Variants in ST6GALNAC3 observed in about 807,000 individuals in gnomAD.
ST6GALNAC3 encodes alpha-N-acetylgalactosaminide alpha-2,6-sialyltransferase 3.
A neutral mutation model predicts 32.7 loss-of-function variants in ST6GALNAC3; 25 were observed. The ratio of observed to expected loss-of-function variants is 0.76; its 90% CI spans 0.56 to 1.07. The LOEUF is 1.07. ST6GALNAC3 is among the 50% of genes least tolerant of loss of function. The pLI, the probability that ST6GALNAC3 is intolerant of heterozygous loss-of-function variation, is 0.00. For synonymous variants in ST6GALNAC3, 129 were observed against 133.1 expected (o/e 0.97, Z 0.21); for missense variants, 355 against 382.4 (o/e 0.93, Z 0.60).
chr1:76,506,444 G>C (rs1426650053), intron 3 of ST6GALNAC3, among the ~76,000 whole-genome samples: 1 of 152,088 alleles, frequency 6.6e-6, no homozygotes, highest in African/African-American at 2.4e-5. Context: ...TCTTTCCCTG[G>C]CTGTGTGCAT....
At chr1:76,334,297 T>C (rs555618089) in intron 2 of ST6GALNAC3, among the ~76,000 whole-genome samples, 1 of 152,376 alleles carries the variant, frequency 6.6e-6, no homozygotes, top group South Asian at 2.1e-4. Context: ...CTCAAGGTGA[T>C]ATGATTGTAT....
At chr1:76,425,876 C>G (rs1472444893) in intron 3 of ST6GALNAC3, among the ~76,000 whole-genome samples, 5 of 151,912 alleles carry the variant, frequency 3.3e-5, no homozygotes, top group Admixed American at 2.6e-4. Context: ...CTGTGTTGCC[C>G]ACAGCCCTGT....
chr1:76,267,132 C>A (rs1460012292), intron 1 of ST6GALNAC3, among the ~76,000 whole-genome samples: 1 of 152,194 alleles, frequency 6.6e-6, no homozygotes, highest in Non-Finnish European at 1.5e-5. Context: ...AGCCAATTTG[C>A]GCTCTCTTTC....
At chr1:76,170,161 A>G (rs1008117394) in intron 1 of ST6GALNAC3, among the ~76,000 whole-genome samples, 5 of 152,200 alleles carry the variant, frequency 3.3e-5, no homozygotes, top group Non-Finnish European at 5.9e-5. Context: ...GGGGACTTCT[A>G]TTGGGCCCCA....
chr1:76,515,014 G>A (rs1431198261), intron 3 of ST6GALNAC3, among the ~76,000 whole-genome samples: 2 of 152,168 alleles, frequency 1.3e-5, no homozygotes, highest in East Asian at 3.9e-4. Context: ...TGGAATCAGG[G>A]TAATGCTGCC....
At chr1:76,354,346 T>G (rs1649263689) in intron 2 of ST6GALNAC3, 1 of 152,252 alleles carries the variant, frequency 6.6e-6, no homozygotes, top group African/African-American at 2.4e-5. Flanking sequence ...TAGCTCCTTC[T>G]TTTCTGTTGT....
At chr1:76,301,826 CA>C (rs1557767318) in intron 1 of ST6GALNAC3, among the ~76,000 whole-genome samples, 1 of 147,542 alleles carries the variant, frequency 6.8e-6, no homozygotes, top group East Asian at 2.0e-4. Context: ...AAACCAAGTT[CA>C]AAAAAAGAAG....
chr1:76,407,858 CAT>C (rs1653943426), intron 2 of ST6GALNAC3, among the ~76,000 whole-genome samples: 1 of 151,916 alleles, frequency 6.6e-6, no homozygotes, highest in African/African-American at 2.4e-5. Flanking sequence ...TGAGTGAAGA[CAT>C]ATGGAATAAA....
intron 2 of ST6GALNAC3, among the ~76,000 whole-genome samples, chr1:76,379,231 T>G (rs1174830406): frequency 2.6e-5 from 4 of 152,194 alleles, no homozygotes; most frequent in Admixed American, 6.5e-5. Context: ...CTCTTCCTTT[T>G]GTGGGTCCTA....
rs146890543 is a variant in ST6GALNAC3, at chr1:76,460,335, C to T, written c.623+47918C>T. 1.1e-4 allele frequency among the ~76,000 whole-genome samples: 16 copies of T among 151,870 alleles called. No individual in the cohort carries two copies. In the East Asian group the frequency reaches 2.5e-3, roughly 24 times the overall value. On this transcript the variant is annotated intron_variant, in intron 3 of 4. Transcript: ENST00000328299. ...TAAATTGGGTCGTTTGTCTTTGTGC[C>T]GTGGTGTTTCAAGCATAAATCTATA...
chr1:76,573,628 C>A (rs867568805), intron 3 of ST6GALNAC3, among the ~76,000 whole-genome samples: 1 of 150,568 alleles, frequency 6.6e-6, no homozygotes, highest in Non-Finnish European at 1.5e-5. Context: ...TTTGAATGAA[C>A]ATGTAGCCAA....
Position 76,509,017 on chromosome 1 carries a change from T to C in ST6GALNAC3, c.623+96600T>C, listed in dbSNP as rs1478504009. Among the ~76,000 whole-genome samples, 1 of 152,230 alleles carries C rather than the reference T, an allele frequency of 6.6e-6. No homozygotes were observed. The highest frequency in any genetic ancestry group is 2.4e-5 in the African/African-American group (1 of 41,474). On this transcript the variant is annotated intron_variant, in intron 3 of 4. Coordinates refer to ENST00000328299, the MANE Select transcript of ST6GALNAC3 (RefSeq NM_152996.4). The surrounding 1 kb of genome is among the most constrained non-coding windows in gnomAD (Gnocchi z 5.5). ...AGGACAGAATAGGCTAGGTCTGGGA[T>C]GCTTCTAACATGAGTCTAAGAGTTG...
In ST6GALNAC3 at chr1:76,101,143, C is replaced by T. The variant is rs1425687408; in HGVS notation, c.18+26259C>T. Among the ~76,000 whole-genome samples, 4 of 152,284 alleles carry T rather than the reference C, an allele frequency of 2.6e-5. No homozygotes were observed. The East Asian group carries it at 5.8e-4, about 22-fold the overall frequency. On this transcript the variant is annotated intron_variant, in intron 1 of 4. Transcript: ENST00000328299. ...GAATAGTGGTACTGCCCTAAAAACA[C>T]TCTGTGCCTGCCTATCCATCCCTCC... is the stretch of plus-strand genomic sequence containing the variant.
intron 1 of ST6GALNAC3, among the ~76,000 whole-genome samples, chr1:76,111,573 G>A (rs1647944225): frequency 6.6e-6 from 1 of 150,400 alleles, no homozygotes; most frequent in Admixed American, 6.6e-5. Context: ...TTCCTAGGCA[G>A]AGGACCCTGC....
chr1:76,141,421 A>G (rs1650312722), intron 1 of ST6GALNAC3, among the ~76,000 whole-genome samples: 1 of 152,202 alleles, frequency 6.6e-6, no homozygotes, highest in South Asian at 2.1e-4. Context: ...CCCTGAAGCA[A>G]ACCACACCTC....
intron 2 of ST6GALNAC3, among the ~76,000 whole-genome samples, chr1:76,326,163 A>T (rs1272870845): frequency 6.6e-6 from 1 of 152,122 alleles, no homozygotes; most frequent in East Asian, 1.9e-4. Context: ...GGTCTGTTTC[A>T]TGTGTCTCTC....
chr1:76,410,033 G>GC lies in ST6GALNAC3; in HGVS notation c.214-1973dup, dbSNP rs564800631. 7.0e-4 allele frequency among the ~76,000 whole-genome samples: 107 copies of GC among 152,228 alleles called. 1 individual carries two copies. The highest frequency in any genetic ancestry group is 6.8e-3 in the Middle Eastern group (2 of 294). ...CTCTCTTGCTGGGATTGTAGCAGCG[G>GC]CCTAATCTCCTGCTTCCACCCTGGC... is the stretch of plus-strand genomic sequence containing the variant. On this transcript the variant is annotated intron_variant, in intron 2 of 4. Coordinates refer to ENST00000328299, the MANE Select transcript of ST6GALNAC3 (RefSeq NM_152996.4).
intron 1 of ST6GALNAC3, among the ~76,000 whole-genome samples, chr1:76,284,214 AAC>A (rs1473727921): frequency 6.6e-6 from 1 of 152,250 alleles, no homozygotes; most frequent in Non-Finnish European, 1.5e-5. Context: ...GTATGTTGAT[AAC>A]ACAGAAGGAT....
chr1:76,457,878 A>G (rs1423818706), intron 3 of ST6GALNAC3, among the ~76,000 whole-genome samples: 10 of 150,718 alleles, frequency 6.6e-5, no homozygotes, highest in African/African-American at 2.4e-4. Flanking sequence ...GCCAAAATTG[A>G]CAAATGGGAT....
Sources: allele counts gnomAD v4.1 joint callset (sites outside exome capture counted in the v4.1 genomes callset), GRCh38; gene constraint gnomAD v4.1.1; non-coding constraint Gnocchi (gnomAD v3.1); transcripts MANE v1.5; gene names NCBI Gene and HGNC (gene_info 2026-07-23, HGNC 2026-07-21).